The following TMEM178A variants were observed in gnomAD, a reference collection of about 807,000 sequenced individuals.
The protein encoded by TMEM178A is transmembrane protein 178A.
Under a neutral mutation model 29.1 loss-of-function variants are expected in TMEM178A, and 12 were observed. The ratio of observed to expected loss-of-function variants is 0.41; its 90% CI spans 0.26 to 0.67. The LOEUF (loss-of-function observed/expected upper bound fraction) is 0.67. Ranked by LOEUF, TMEM178A falls within the 30% of genes least tolerant of loss-of-function variation. The probability of loss-of-function intolerance (pLI) is 0.29; values close to 1 mark genes in which losing one functional copy is unlikely to be tolerated. For missense variants in TMEM178A, 366 were observed against 419.1 expected (o/e 0.87, Z 1.11); for synonymous variants, 210 against 187.2 (o/e 1.12, Z -0.99).
intron 3 of TMEM178A, among the ~76,000 whole-genome samples, chr2:39,710,937 C>G (rs533481578): frequency 6.6e-6 from 1 of 152,374 alleles, no homozygotes; most frequent in African/African-American, 2.4e-5. Context: ...TGATTGCACA[C>G]AGACAGGTCT....
chr2:39,676,791 A>G (rs918322399), intron 1 of TMEM178A, among the ~76,000 whole-genome samples: 6 of 152,180 alleles, frequency 3.9e-5, no homozygotes, highest in African/African-American at 1.2e-4. Context: ...TGGTCATTCC[A>G]TAGTAGGAGA....
At chr2:39,668,447 C>T (rs1670270163) in intron 1 of TMEM178A, among the ~76,000 whole-genome samples, 1 of 152,160 alleles carries the variant, frequency 6.6e-6, no homozygotes, top group African/African-American at 2.4e-5. Flanking sequence ...AAGATATGGG[C>T]CCCATTGCTG....
chr2:39,707,492 G>T (rs1228511782), intron 3 of TMEM178A, among the ~76,000 whole-genome samples: 1 of 151,744 alleles, frequency 6.6e-6, no homozygotes, highest in African/African-American at 2.4e-5. Flanking sequence ...GTTTTTTTGA[G>T]ATGGAGTCTC....
the TMEM178A span, among the ~76,000 whole-genome samples, chr2:39,732,182 A>C: frequency 6.6e-6 from 1 of 152,074 alleles, no homozygotes; most frequent in South Asian, 2.1e-4. Context: ...GAACTTCCCC[A>C]CTTTCTTTCC....
intron 1 of TMEM178A, among the ~76,000 whole-genome samples, chr2:39,696,808 A>G (rs1241638809): frequency 6.6e-6 from 1 of 152,190 alleles, no homozygotes; most frequent in East Asian, 1.9e-4. Context: ...CCCCCTGTGC[A>G]ACATACTTAT....
At chr2:39,698,836 T>G (rs985067922) in intron 1 of TMEM178A, among the ~76,000 whole-genome samples, 5 of 152,176 alleles carry the variant, frequency 3.3e-5, no homozygotes, top group African/African-American at 1.2e-4. Context: ...CTAAGTCAAT[T>G]TCTTTACTTG....
chr2:39,675,096 T>A (rs1670560780), intron 1 of TMEM178A, among the ~76,000 whole-genome samples: 1 of 152,210 alleles, frequency 6.6e-6, no homozygotes, highest in Non-Finnish European at 1.5e-5. Context: ...GCAAGGGGGA[T>A]GCTATTATCA....
intron 1 of TMEM178A, among the ~76,000 whole-genome samples, chr2:39,703,521 C>G (rs116753690): frequency 1.3e-5 from 2 of 151,880 alleles, no homozygotes; most frequent in African/African-American, 4.8e-5. Flanking sequence ...CCTTTTTTCT[C>G]GAGATCTAGA....
intron 1 of TMEM178A, among the ~76,000 whole-genome samples, chr2:39,682,243 CAGAG>C (rs1178767272): frequency 6.6e-6 from 1 of 152,146 alleles, no homozygotes; most frequent in Non-Finnish European, 1.5e-5. Flanking sequence ...CCTTCTGAAA[CAGAG>C]AGCGCTAATT....
the TMEM178A span, among the ~76,000 whole-genome samples, chr2:39,725,139 G>A: frequency 6.6e-6 from 1 of 152,182 alleles, no homozygotes; most frequent in African/African-American, 2.4e-5. Flanking sequence ...AAATGAAGAT[G>A]AGGAAAGACC....
the TMEM178A span, among the ~76,000 whole-genome samples, chr2:39,729,147 C>A: frequency 1.3e-5 from 2 of 152,146 alleles, no homozygotes; most frequent in African/African-American, 4.8e-5. Context: ...GACTACACAA[C>A]CAGGAACACC....
At chr2:39,698,770 G>A (rs1671661470) in intron 1 of TMEM178A, among the ~76,000 whole-genome samples, 1 of 151,680 alleles carries the variant, frequency 6.6e-6, no homozygotes, top group African/African-American at 2.4e-5. Context: ...AAATTTACCA[G>A]TGAAGCCATC....
intron 2 of TMEM178A, among the ~76,000 whole-genome samples, chr2:39,706,385 G>A (rs918612391): frequency 1.2e-4 from 19 of 152,338 alleles, no homozygotes; most frequent in Non-Finnish European, 2.5e-4. Context: ...TGTTTCAGAG[G>A]AAAGGGTGTT....
chr2:39,733,510 G>A, the TMEM178A span, among the ~76,000 whole-genome samples: 2 of 152,216 alleles, frequency 1.3e-5, no homozygotes, highest in Admixed American at 6.5e-5. Context: ...CAGGCAGACA[G>A]TGCCTGTTGT....
chr2:39,731,629 C>T, the TMEM178A span, among the ~76,000 whole-genome samples: 47 of 152,292 alleles, frequency 3.1e-4, no homozygotes, highest in Non-Finnish European at 2.8e-4. Context: ...CCAAATACCC[C>T]TACTAGGTCC....
chr2:39,689,332 T>C (rs561758019), intron 1 of TMEM178A, among the ~76,000 whole-genome samples: 6 of 152,344 alleles, frequency 3.9e-5, no homozygotes, highest in African/African-American at 1.4e-4. Flanking sequence ...GGAGATCTCT[T>C]CCTCCCCTTT....
chr2:39,685,639 A>C (rs941314995), intron 1 of TMEM178A, among the ~76,000 whole-genome samples: 6 of 152,354 alleles, frequency 3.9e-5, no homozygotes, highest in Non-Finnish European at 7.3e-5. Flanking sequence ...AAGGTAAGGC[A>C]GGAAGCATGG....
chr2:39,731,821 TTCTG>T, the TMEM178A span, among the ~76,000 whole-genome samples: 1 of 152,188 alleles, frequency 6.6e-6, no homozygotes, highest in Non-Finnish European at 1.5e-5. Flanking sequence ...AGTGCATTGT[TTCTG>T]TCTGTCTCTG....
intron 1 of TMEM178A, among the ~76,000 whole-genome samples, chr2:39,676,840 C>G (rs928753669): frequency 6.6e-6 from 1 of 152,130 alleles, no homozygotes; most frequent in Non-Finnish European, 1.5e-5. Context: ...CCAGCTTTTC[C>G]AGATCTACCA....
Sources: allele counts gnomAD v4.1 joint callset (sites outside exome capture counted in the v4.1 genomes callset), GRCh38; gene constraint gnomAD v4.1.1; transcripts MANE v1.5; gene names NCBI Gene and HGNC (gene_info 2026-07-23, HGNC 2026-07-21).